MTMR9: variants seen among roughly 807,000 people sequenced by gnomAD.
MTMR9 encodes myotubularin-related protein 9.
In MTMR9, 39 loss-of-function variants were observed where a neutral mutation model predicts 69.5. That is an observed-to-expected ratio of 0.56 (90% CI 0.43 to 0.73). The LOEUF (loss-of-function observed/expected upper bound fraction) is 0.73. Ranked by LOEUF, MTMR9 falls within the 30% of genes least tolerant of loss-of-function variation. The pLI is 0.00. For missense variants in MTMR9, 900 were observed against 671.2 expected (o/e 1.34, Z -3.77); for synonymous variants, 354 against 240.8 (o/e 1.47, Z -4.35).
chr8:11,296,575 C>G (rs1182366405), intron 2 of MTMR9, among the ~76,000 whole-genome samples: 2 of 152,132 alleles, frequency 1.3e-5, no homozygotes, highest in East Asian at 3.8e-4. Flanking sequence ...CCCCATTCTA[C>G]TTTCTGTTTC....
chr8:11,317,209 C>T (rs1012503265), intron 8 of MTMR9: 1 of 168,532 alleles, frequency 5.9e-6, no homozygotes, highest in African/African-American at 2.4e-5. Context: ...TCAGGTCTTC[C>T]CTCTAATTTT....
chr8:11,284,933 G>T lies in MTMR9; in HGVS notation c.45G>T (p.Val15=). ...TTAAGACCCCGCGGGTGGACAATGTGGTGCTGCACCGGCCTTTCTACCCGG... is the reference window on the plus strand; with the variant it reads ...TTAAGACCCCGCGGGTGGACAATGTTGTGCTGCACCGGCCTTTCTACCCGG... ...ELIKTPRVDN[V]VLHRPFYPAV... The change falls in exon 1 of 10, where the codon GTG becomes GTT. Residue 15 remains valine (V), a synonymous_variant. Coordinates refer to ENST00000221086, the MANE Select transcript of MTMR9 (RefSeq NM_015458.4). 1 of 1,613,270 alleles carries T rather than the reference G, an allele frequency of 6.2e-7. No individual in the cohort carries two copies. The highest frequency in any genetic ancestry group is 1.7e-5 in the Admixed American group (1 of 59,902).
chr8:11,326,110 G>A lies in MTMR9; in HGVS notation c.*3322G>A, dbSNP rs1210584890. 4 of 152,194 alleles carry A rather than the reference G, an allele frequency of 2.6e-5. No individual in the cohort carries two copies. Among genetic ancestry groups the A allele is most frequent in the East Asian group, 3.8e-4 (2 of 5,208 alleles). 9.4% of individuals were successfully genotyped at this position (152,194 alleles called of 1,614,324 possible). On this transcript the variant is annotated 3_prime_UTR_variant, in exon 10 of 10. Transcript: ENST00000221086. ...AAAATCAGTATCATGGAAAAGATAT[G>A]ACCATAATTTAGTCTCCTCAAGTGA...
At chr8:11,322,353 T>C (rs1013934964) in intron 9 of MTMR9, among the ~76,000 whole-genome samples, 3 of 152,240 alleles carry the variant, frequency 2.0e-5, no homozygotes, top group Admixed American at 6.5e-5. Context: ...AAATGGTATT[T>C]GGATCTATTT....
downstream of MTMR9, chr8:11,331,026 C>T (rs1389897220): frequency 6.6e-7 from 1 of 1,514,296 alleles, no homozygotes; most frequent in African/African-American, 1.4e-5. Context: ...CCCACCCGCA[C>T]TCCAATGAGG....
intron 5 of MTMR9, among the ~76,000 whole-genome samples, chr8:11,306,963 C>T (rs1799962412): frequency 6.6e-6 from 1 of 152,196 alleles, no homozygotes; most frequent in Non-Finnish European, 1.5e-5. Flanking sequence ...TAAGTGAGTT[C>T]ATGCAGTGTT....
At position 11,326,685 on chromosome 8, in the gene MTMR9, T is replaced by C. The variant is rs1303744321; in HGVS notation, c.*3897T>C. 3 of 152,288 alleles carry C rather than the reference T, an allele frequency of 2.0e-5. No individual in the cohort carries two copies. Among genetic ancestry groups the C allele is most frequent in the Non-Finnish European group, 4.4e-5 (3 of 68,096 alleles). The allele number at this position is 152,288 out of a possible 1,614,324, so 9.4% of individuals were successfully genotyped here. A position where few individuals can be genotyped will look rare whatever the true frequency, so the allele number is the denominator to read the frequency against. On this transcript the variant is annotated 3_prime_UTR_variant, in exon 10 of 10. Transcript: ENST00000221086. ...TGTTACCCATCATCTTTAAAAACAT[T>C]ATAGGCTGGGCATGGTGGCTTACGC... is the stretch of plus-strand genomic sequence containing the variant.
At chr8:11,320,374 A>C (rs1800623567) in intron 9 of MTMR9, 1 of 152,242 alleles carries the variant, frequency 6.6e-6, no homozygotes, top group South Asian at 2.1e-4. Context: ...TTTTATATGC[A>C]CTGATTTTTC....
At position 11,319,893 on chromosome 8, in the gene MTMR9, C is replaced by T. The variant is rs553436978; in HGVS notation, c.1486+55C>T. The T allele has an allele frequency of 5.2e-4, 822 of 1,582,262 alleles. 15 individuals are homozygous for T. The South Asian group carries it at 8.3e-3, about 16-fold the overall frequency. The stretch of plus-strand genomic sequence containing the variant: ...AACGGTCAGGTGTGCATGCGGCTGC[C>T]TGTGAGTGTGTGCTGTTGGTGATGT... On this transcript the variant is annotated intron_variant, in intron 9 of 9. Transcript: ENST00000221086.
chr8:11,313,720 T>G (rs1800296847), intron 6 of MTMR9, among the ~76,000 whole-genome samples: 1 of 152,196 alleles, frequency 6.6e-6, no homozygotes, highest in East Asian at 1.9e-4. Context: ...ACAGCATTTG[T>G]TGATTAAGTT....
chr8:11,329,013 C>A (rs966583616), downstream of MTMR9, among the ~76,000 whole-genome samples: 5 of 152,138 alleles, frequency 3.3e-5, no homozygotes, highest in Non-Finnish European at 7.3e-5. Flanking sequence ...TTCAGTTTTT[C>A]CCAACACTTT....
downstream of MTMR9, among the ~76,000 whole-genome samples, chr8:11,329,966 G>A (rs1215609620): frequency 6.0e-5 from 9 of 149,752 alleles, no homozygotes; most frequent in Non-Finnish European, 3.0e-5. Flanking sequence ...CTGCCCGGCC[G>A]CCCTGTCTGA....
downstream of MTMR9, among the ~76,000 whole-genome samples, chr8:11,332,386 T>TA (rs1260294336): frequency 6.6e-6 from 1 of 152,028 alleles, no homozygotes; most frequent in African/African-American, 2.4e-5. Flanking sequence ...ACTTTGGACT[T>TA]ACTAGACAAA....
At chr8:11,333,420 A>C in the MTMR9 span, among the ~76,000 whole-genome samples, 2 of 152,220 alleles carry the variant, frequency 1.3e-5, no homozygotes, top group African/African-American at 4.8e-5. Flanking sequence ...CCTTCAAAAA[A>C]TAAGGGAGAA....
chr8:11,312,255 G>T (rs1288770866), intron 6 of MTMR9, among the ~76,000 whole-genome samples: 1 of 151,136 alleles, frequency 6.6e-6, no homozygotes, highest in African/African-American at 2.4e-5. Context: ...TCTGTTTATT[G>T]CCCGGTCTGG....
rs1305317098 is a variant in MTMR9 at position 11,325,130 on chromosome 8, G to A, written c.*2342G>A. On this transcript the variant is annotated 3_prime_UTR_variant, in exon 10 of 10. Transcript: ENST00000221086. ...ATTTTAGTATTAATTTATAATTAGG[G>A]ATTGTTCAAACTTCAGATCTGTTTA... 1.3e-5 allele frequency: 2 copies of A among 152,166 alleles called. No individual in the cohort carries two copies. Among genetic ancestry groups the A allele is most frequent in the African/African-American group, 2.4e-5 (1 of 41,436 alleles). The allele number at this position is 152,166 out of a possible 1,614,324, so 9.4% of individuals were successfully genotyped here.
At chr8:11,331,459 C>T, downstream of MTMR9, 7 of 1,614,016 alleles carry the variant, frequency 4.3e-6, no homozygotes, top group Non-Finnish European at 5.9e-6. Flanking sequence ...ATTGGATGTG[C>T]CTACAGTGCA....
chr8:11,308,506 G>A (rs1238238402), intron 5 of MTMR9, among the ~76,000 whole-genome samples: 4 of 152,072 alleles, frequency 2.6e-5, no homozygotes, highest in Non-Finnish European at 5.9e-5. Context: ...TTGATGGGAG[G>A]TCTTTTTAAT....
At chr8:11,291,708 C>T (rs573120951) in intron 1 of MTMR9, among the ~76,000 whole-genome samples, 1 of 152,084 alleles carries the variant, frequency 6.6e-6, no homozygotes, top group African/African-American at 2.4e-5. Flanking sequence ...ACCTGCCAGA[C>T]TAACAAAACA....
Sources: allele counts gnomAD v4.1 joint callset (sites outside exome capture counted in the v4.1 genomes callset), GRCh38; gene constraint gnomAD v4.1.1; transcripts MANE v1.5; gene names NCBI Gene and HGNC (gene_info 2026-07-23, HGNC 2026-07-21).